SLC12A7: variants seen among roughly 807,000 people sequenced by gnomAD.
SLC12A7 encodes the protein solute carrier family 12 member 7, also known as K-Cl cotransporter 4.
Under a neutral mutation model 120.6 loss-of-function variants are expected in SLC12A7, and 100 were observed. The ratio of observed to expected loss-of-function variants is 0.83; its 90% CI spans 0.71 to 0.98. The LOEUF (loss-of-function observed/expected upper bound fraction) is 0.98. Ranked by LOEUF, SLC12A7 falls within the 50% of genes least tolerant of loss-of-function variation. SLC12A7 has a pLI of 0.00. For synonymous variants in SLC12A7, 760 were observed against 678.0 expected (o/e 1.12, Z -1.88); for missense variants, 1,373 against 1,548.1 (o/e 0.89, Z 1.90).
At chr5:1,151,511 C>A in the SLC12A7 span, among the ~76,000 whole-genome samples, 1 of 152,230 alleles carries the variant, frequency 6.6e-6, no homozygotes, top group African/African-American at 2.4e-5. The surrounding 1 kb of genome is among the most constrained non-coding windows in gnomAD (Gnocchi z 6.2). Context: ...GCTCTGATGG[C>A]CCCACCAGCC....
At chr5:1,089,253 T>C in intron 3 of SLC12A7, 125 bp from the exon 4 acceptor site, 1 of 995,388 alleles carries the variant, frequency 1.0e-6, no homozygotes, top group Non-Finnish European at 1.4e-6. Flanking sequence ...GCAGGAGTCC[T>C]TCCCAGAACA....
intron 1 of SLC12A7, among the ~76,000 whole-genome samples, chr5:1,095,072 C>CGGAAGGAGG (rs1561095091): frequency 7.8e-6 from 1 of 127,596 alleles, no homozygotes; most frequent in African/African-American, 2.7e-5. Flanking sequence ...GAGGTGGGGC[C>CGGAAGGAGG]CGTAGGAGGT....
chr5:1,139,682 G>A, the SLC12A7 span, among the ~76,000 whole-genome samples: 1 of 152,228 alleles, frequency 6.6e-6, no homozygotes, highest in African/African-American at 2.4e-5. Context: ...TGCACACGGC[G>A]AGCTTGCTTG....
intron 1 of SLC12A7, among the ~76,000 whole-genome samples, chr5:1,097,331 G>A (rs4975592): frequency 0.31 from 47,288 of 152,054 alleles, 9,183 homozygotes; most frequent in Non-Finnish European, 0.43. Context: ...CCTGCTCACC[G>A]CAGCGTCTCC....
intron 22 of SLC12A7, among the ~76,000 whole-genome samples, chr5:1,056,093 G>A (rs113325004): frequency 0.015 from 2,230 of 152,238 alleles, 40 homozygotes; most frequent in East Asian, 0.044. Context: ...ACCTGCCCCG[G>A]AGCTCAGACG....
At chr5:1,056,138 G>A (rs1160723366) in intron 22 of SLC12A7, among the ~76,000 whole-genome samples, 1 of 152,200 alleles carries the variant, frequency 6.6e-6, no homozygotes, top group African/African-American at 2.4e-5. Context: ...ACCACACAGA[G>A]AACTGATCTG....
Position 1,088,970 on chromosome 5 carries a change from G to A in SLC12A7, c.489+12C>T. The A allele has an allele frequency of 6.2e-7, 1 of 1,612,578 alleles. No homozygotes were observed. The highest frequency in any genetic ancestry group is 8.5e-7 in the Non-Finnish European group (1 of 1,179,872). On this transcript the variant is annotated intron_variant, in intron 4 of 23. Transcript: ENST00000264930. ...CCGAAGGCACAGCCACACCTGGCCG[G>A]GGGAGACTCACACATGTGCAGCACA...
rs370105404 is a variant in SLC12A7 at position 1,076,922 on chromosome 5, G to A, written c.1630-110C>T. The stretch of plus-strand genomic sequence containing the variant: ...TGAATCTTAAAGACACAGACCAGCA[G>A]AAACGCCTTTCACAGTAGGTCCCCG... On this transcript the variant is annotated intron_variant, in intron 12 of 23. Transcript: ENST00000264930. 43 of 773,260 alleles carry A rather than the reference G, an allele frequency of 5.6e-5. No individual in the cohort carries two copies. In the East Asian group the frequency reaches 1.0e-3, roughly 18 times the overall value. The allele number at this position is 773,260 out of a possible 1,614,324, so 47.9% of individuals were successfully genotyped here.
chr5:1,132,588 C>T, the SLC12A7 span, among the ~76,000 whole-genome samples: 1 of 152,152 alleles, frequency 6.6e-6, no homozygotes, highest in Admixed American at 6.6e-5. Flanking sequence ...TGTCCCTTCC[C>T]TTCCAGGGGG....
chr5:1,109,012 G>A lies in SLC12A7; in HGVS notation c.124+2856C>T, dbSNP rs527977064. ...GCGCCCAAGCCAGGAAGAAGCTCCC[G>A]GCAAACCTGGGAGAGCCCCAGCTGA... On this transcript the variant is annotated intron_variant, in intron 1 of 23. Transcript: ENST00000264930. Among the ~76,000 whole-genome samples the A allele has an allele frequency of 3.3e-5, 5 of 152,330 alleles. No individual in the cohort carries two copies. In the South Asian group the frequency reaches 6.2e-4, roughly 19 times the overall value.
At chr5:1,125,612 A>G in the SLC12A7 span, among the ~76,000 whole-genome samples, 1 of 152,172 alleles carries the variant, frequency 6.6e-6, no homozygotes, top group African/African-American at 2.4e-5. Flanking sequence ...AAAATTTGAA[A>G]TATATCAAAC....
At chr5:1,121,981 C>T in the SLC12A7 span, among the ~76,000 whole-genome samples, 5 of 152,186 alleles carry the variant, frequency 3.3e-5, no homozygotes, top group South Asian at 2.1e-4. Flanking sequence ...GCTGCAGGCA[C>T]GAAGCGGGGA....
chr5:1,083,914 G>C lies in SLC12A7; in HGVS notation c.960C>G (p.Phe320Leu). ...TGCCGTAGGCCTTGACGCAGGCATC[G>C]AAGCTGCGCCGTGACAGCGTGCGGT... ...LGNRTLSRRS[F>L]DACVKAYGIH... Residue 320 changes from phenylalanine (F) to leucine (L), a missense_variant, in exon 8 of 24, where the codon TTC (phenylalanine) becomes TTG (leucine). By Grantham distance (22) the Phe-to-Leu change is conservative. Coordinates refer to ENST00000264930, the MANE Select transcript of SLC12A7 (RefSeq NM_006598.3). 6.2e-7 allele frequency: 1 copy of C among 1,606,940 alleles called. No homozygotes were observed. The highest frequency in any genetic ancestry group is 8.5e-7 in the Non-Finnish European group (1 of 1,179,516).
chr5:1,117,340 T>A, the SLC12A7 span, among the ~76,000 whole-genome samples: 3 of 152,256 alleles, frequency 2.0e-5, no homozygotes, highest in African/African-American at 4.8e-5. The surrounding 1 kb of genome is among the most constrained non-coding windows in gnomAD (Gnocchi z 4.5). Flanking sequence ...CCGACCTGAC[T>A]CCATCTTGGT....
Position 1,078,465 on chromosome 5 carries a change from T to C in SLC12A7, c.1454+236A>G, listed in dbSNP as rs1738614538. The stretch of plus-strand genomic sequence containing the variant: ...CCCTGTGGCCTCCCCAGGAAGGGCC[T>C]GCGCCCCCAGCCGCATCAGGGCTTG... On this transcript the variant is annotated intron_variant, in intron 11 of 23. Transcript: ENST00000264930. The C allele has an allele frequency of 6.7e-6, 4 of 596,816 alleles. No homozygotes were observed. The East Asian group carries it at 1.1e-4, about 17-fold the overall frequency. 37.0% of individuals were successfully genotyped at this position (596,816 alleles called of 1,614,324 possible).
At chr5:1,149,321 A>T in the SLC12A7 span, among the ~76,000 whole-genome samples, 1 of 152,348 alleles carries the variant, frequency 6.6e-6, no homozygotes, top group South Asian at 2.1e-4. Context: ...TCACACCTGT[A>T]ATCCCAGCAC....
intron 17 of SLC12A7, among the ~76,000 whole-genome samples, chr5:1,068,006 G>A (rs1024893161): frequency 1.3e-5 from 2 of 152,228 alleles, no homozygotes; most frequent in Non-Finnish European, 2.9e-5. Flanking sequence ...CGGGGAGCAA[G>A]AACACCAGGG....
chr5:1,113,697 A>G (rs1171279540), upstream of SLC12A7, among the ~76,000 whole-genome samples: 1 of 152,136 alleles, frequency 6.6e-6, no homozygotes, highest in Non-Finnish European at 1.5e-5. Flanking sequence ...TCCCCAGAAG[A>G]TAAAATAGTT....
upstream of SLC12A7, among the ~76,000 whole-genome samples, chr5:1,115,533 G>A (rs905564157): frequency 6.6e-5 from 10 of 152,194 alleles, no homozygotes; most frequent in African/African-American, 2.4e-4. Flanking sequence ...CTCCTGGTGC[G>A]CCATCTGCAT....
Sources: allele counts gnomAD v4.1 joint callset (sites outside exome capture counted in the v4.1 genomes callset), GRCh38; gene constraint gnomAD v4.1.1; non-coding constraint Gnocchi (gnomAD v3.1); transcripts MANE v1.5; gene names NCBI Gene and HGNC (gene_info 2026-07-23, HGNC 2026-07-21).